Variants in ADAMTSL1 observed in about 807,000 individuals in gnomAD.
ADAMTSL1 encodes the protein ADAMTS like 1.
ADAMTSL1 carries 126 observed loss-of-function variants against 201.8 expected under a neutral mutation model. That is an observed-to-expected ratio of 0.62 (90% CI 0.54 to 0.72). The LOEUF is 0.72. Ranked by LOEUF, ADAMTSL1 falls within the 30% of genes least tolerant of loss-of-function variation. The probability of loss-of-function intolerance (pLI) is 0.00; values close to 1 mark genes in which losing one functional copy is unlikely to be tolerated. For missense variants in ADAMTSL1, 2,679 were observed against 2,277.8 expected (o/e 1.18, Z -3.59); for synonymous variants, 1,121 against 903.4 (o/e 1.24, Z -4.32).
At chr9:18,445,768 T>C (rs916511662) in intron 2 of ADAMTSL1, among the ~76,000 whole-genome samples, 1 of 152,140 alleles carries the variant, frequency 6.6e-6, no homozygotes, top group Non-Finnish European at 1.5e-5. Context: ...TTGAATGTAT[T>C]TAGAAAATCC....
At chr9:18,864,266 A>C (rs1171739082) in intron 23 of ADAMTSL1, among the ~76,000 whole-genome samples, 1 of 152,026 alleles carries the variant, frequency 6.6e-6, no homozygotes, top group East Asian at 1.9e-4. Context: ...CCTTTTTCTG[A>C]GCTGTTTGGC....
Position 18,240,129 on chromosome 9 carries a change from T to C in ADAMTSL1, c.207+76148T>C, listed in dbSNP as rs565048352. On this transcript the variant is annotated intron_variant, in intron 2 of 29. Transcript: ENST00000680146. ...TTTCCACTTACTGTACCCAGATCCA[T>C]TGAGAAATTATAATCTATGGCAGTT... Among the ~76,000 whole-genome samples the C allele has an allele frequency of 1.4e-4, 21 of 152,290 alleles. No homozygotes were observed. The South Asian group carries it at 3.7e-3, about 27-fold the overall frequency.
chr9:18,072,861 TG>T (rs1823030101), intron 1 of ADAMTSL1, among the ~76,000 whole-genome samples: 1 of 152,202 alleles, frequency 6.6e-6, no homozygotes, highest in Non-Finnish European at 1.5e-5. Context: ...TAATATCCTT[TG>T]TCTTTTCCAA....
chr9:18,847,689 G>C (rs1003421145), intron 23 of ADAMTSL1, among the ~76,000 whole-genome samples: 3 of 152,196 alleles, frequency 2.0e-5, no homozygotes, highest in Admixed American at 1.3e-4. Flanking sequence ...CCAGGCACAG[G>C]AAGAATGAGT....
chr9:18,885,041 T>TTA (rs1373191769), intron 23 of ADAMTSL1, among the ~76,000 whole-genome samples: 1 of 152,172 alleles, frequency 6.6e-6, no homozygotes, highest in East Asian at 1.9e-4. Context: ...TCCCATGAAT[T>TTA]TATATCTTCT....
At chr9:18,614,265 G>A (rs1825566412) in intron 4 of ADAMTSL1, among the ~76,000 whole-genome samples, 1 of 152,156 alleles carries the variant, frequency 6.6e-6, no homozygotes, top group South Asian at 2.1e-4. Flanking sequence ...TGGGGAGGAT[G>A]TGTATCCTCG....
chr9:18,306,290 C>T (rs568435389), intron 2 of ADAMTSL1, among the ~76,000 whole-genome samples: 8 of 152,236 alleles, frequency 5.3e-5, no homozygotes, highest in African/African-American at 1.7e-4. Context: ...TCTTCTCCTC[C>T]AAAGGATCAC....
At chr9:17,956,539 G>A (rs534298947) in intron 1 of ADAMTSL1, among the ~76,000 whole-genome samples, 4 of 152,178 alleles carry the variant, frequency 2.6e-5, no homozygotes, top group African/African-American at 9.6e-5. Flanking sequence ...GGGAAGCCCG[G>A]GTGACTGTAA....
At chr9:18,252,067 A>G (rs1436912328) in intron 2 of ADAMTSL1, among the ~76,000 whole-genome samples, 1 of 152,150 alleles carries the variant, frequency 6.6e-6, no homozygotes, top group African/African-American at 2.4e-5. Flanking sequence ...AAGAAAAAAA[A>G]TGAACCATGT....
At chr9:18,850,950 G>A (rs1286241062) in intron 23 of ADAMTSL1, among the ~76,000 whole-genome samples, 1 of 152,216 alleles carries the variant, frequency 6.6e-6, no homozygotes, top group Non-Finnish European at 1.5e-5. Context: ...CATATGCAAT[G>A]TGCCCAGTTT....
chr9:18,475,080 T>C (rs1362485376), intron 1 of ADAMTSL1, among the ~76,000 whole-genome samples: 1 of 152,128 alleles, frequency 6.6e-6, no homozygotes, highest in Non-Finnish European at 1.5e-5. Flanking sequence ...ACACTCAAAA[T>C]ATTAATAGCA....
intron 23 of ADAMTSL1, among the ~76,000 whole-genome samples, chr9:18,844,780 T>C (rs1345829818): frequency 6.6e-6 from 1 of 152,194 alleles, no homozygotes; most frequent in Non-Finnish European, 1.5e-5. Context: ...CGCATTGCAG[T>C]TTGATCTCAG....
chr9:17,918,354 A>G (rs1826183327), intron 1 of ADAMTSL1, among the ~76,000 whole-genome samples: 1 of 150,680 alleles, frequency 6.6e-6, no homozygotes, highest in Admixed American at 6.6e-5. Context: ...TTTTCAGTTC[A>G]TAGTACTTTC....
At chr9:18,255,954 G>GC (rs1457109641) in intron 2 of ADAMTSL1, among the ~76,000 whole-genome samples, 1 of 152,076 alleles carries the variant, frequency 6.6e-6, no homozygotes, top group Admixed American at 6.5e-5. Context: ...ACTGACTTTC[G>GC]CCCCCATCAA....
At chr9:18,436,406 T>A (rs1819734274) in intron 2 of ADAMTSL1, among the ~76,000 whole-genome samples, 1 of 152,168 alleles carries the variant, frequency 6.6e-6, no homozygotes, top group African/African-American at 2.4e-5. Flanking sequence ...AATATCAGCA[T>A]CCTCTTTCTT....
chr9:18,191,758 G>C (rs1038785994), intron 2 of ADAMTSL1, among the ~76,000 whole-genome samples: 2 of 152,016 alleles, frequency 1.3e-5, no homozygotes, highest in Admixed American at 6.6e-5. Context: ...ATTCTTAGAG[G>C]GCTTTGTGAA....
chr9:18,750,838 C>G (rs1320402352), intron 15 of ADAMTSL1, among the ~76,000 whole-genome samples: 6 of 152,194 alleles, frequency 3.9e-5, no homozygotes, highest in Non-Finnish European at 7.3e-5. Flanking sequence ...TTCAAGGTAG[C>G]TCGCTCACAT....
chr9:18,641,083 G>C (rs773022402), intron 7 of ADAMTSL1, among the ~76,000 whole-genome samples: 1 of 151,918 alleles, frequency 6.6e-6, no homozygotes, highest in Non-Finnish European at 1.5e-5. Context: ...CCTGAATGCC[G>C]GGCAGGTCCC....
At chr9:18,290,779 G>GTTTT (rs1377416517) in intron 2 of ADAMTSL1, among the ~76,000 whole-genome samples, 1 of 60,392 alleles carries the variant, frequency 1.7e-5, no homozygotes, top group Non-Finnish European at 3.1e-5. Context: ...CTTTTTTTGT[G>GTTTT]TGTTTTTTTT....
Sources: gnomAD v4.1 joint callset for allele counts (sites outside exome capture counted in the v4.1 genomes callset) on GRCh38, gnomAD v4.1.1 for gene constraint, MANE v1.5 for transcripts, NCBI Gene and HGNC (gene_info 2026-07-23, HGNC 2026-07-21) for gene names.